CWC15: variants seen among roughly 807,000 people sequenced by gnomAD.
The protein encoded by CWC15 is CWC15 spliceosome associated protein, also known as spliceosome-associated protein CWC15 homolog.
CWC15 carries 12 observed loss-of-function variants against 28.4 expected under a neutral mutation model. The ratio of observed to expected loss-of-function variants is 0.42; its 90% CI spans 0.27 to 0.69. The LOEUF (loss-of-function observed/expected upper bound fraction) is 0.69. Among genes scored for constraint, CWC15 ranks in the 30% least tolerant of loss-of-function variants. CWC15 has a pLI of 0.23. For missense variants in CWC15, 192 were observed against 271.5 expected (o/e 0.71, Z 2.06); for synonymous variants, 92 against 88.4 (o/e 1.04, Z -0.23).
In CWC15 at chr11:94,973,510, C is replaced by A. The variant is rs1439259172; in HGVS notation, c.-21G>T. 6.6e-6 allele frequency: 1 copy of A among 152,448 alleles called. No individual in the cohort carries two copies. Among genetic ancestry groups the A allele is most frequent in the Non-Finnish European group, 1.5e-5 (1 of 68,158 alleles). The allele number at this position is 152,448 out of a possible 1,614,324, so 9.4% of individuals were successfully genotyped here. On this transcript the variant is annotated 5_prime_UTR_variant, in exon 1 of 7. Transcript: ENST00000279839. ...TCTTGCCGCTCACACTGGCCGAGGTCCGATGCAGCAGGCTCCGAAGATCAT... is the reference window on the plus strand; with the variant it reads ...TCTTGCCGCTCACACTGGCCGAGGTACGATGCAGCAGGCTCCGAAGATCAT...
Position 94,963,324 on chromosome 11 carries a change from T to C in CWC15, c.*61A>G. On this transcript the variant is annotated 3_prime_UTR_variant, in exon 7 of 7. Transcript: ENST00000279839. ...CAGGGGAAAAGAAAAAAAAAACTCATAAAAAAAGTCAGAATGATCCTTTAC... is the reference window on the plus strand; with the variant it reads ...CAGGGGAAAAGAAAAAAAAAACTCACAAAAAAAGTCAGAATGATCCTTTAC... The C allele has an allele frequency of 7.5e-7, 1 of 1,341,550 alleles. No individual in the cohort carries two copies. The highest frequency in any genetic ancestry group is 9.8e-7 in the Non-Finnish European group (1 of 1,015,608). The allele number at this position is 1,341,550 out of a possible 1,614,324, so 83.1% of individuals were successfully genotyped here. A position where few individuals can be genotyped will look rare whatever the true frequency, so the allele number is the denominator to read the frequency against.
At chr11:94,964,340 A>G (rs1213684948) in intron 6 of CWC15, among the ~76,000 whole-genome samples, 3 of 152,180 alleles carry the variant, frequency 2.0e-5, no homozygotes, top group African/African-American at 4.8e-5. Context: ...AAATGTGGGA[A>G]AGTGCACAAT....
Position 94,969,902 on chromosome 11 carries a change from A to C in CWC15, c.441+87T>G, listed in dbSNP as rs980526241. 1.4e-5 allele frequency: 9 copies of C among 657,958 alleles called. No individual in the cohort carries two copies. In the Admixed American group the frequency reaches 3.0e-4, roughly 22 times the overall value. The allele number at this position is 657,958 out of a possible 1,614,324, so 40.8% of individuals were successfully genotyped here. A position where few individuals can be genotyped will look rare whatever the true frequency, so the allele number is the denominator to read the frequency against. ...AGACACGGTAAAGGAGATTTCTAAT[A>C]TAAGAAGATATTACTTATATTCAAA... On this transcript the variant is annotated intron_variant, in intron 5 of 6. Transcript: ENST00000279839.
intron 5 of CWC15, among the ~76,000 whole-genome samples, chr11:94,967,346 TC>T (rs1555095501): frequency 6.6e-6 from 1 of 152,150 alleles, no homozygotes. Context: ...TTTTTATACC[TC>T]CCATCCTTTA....
Position 94,971,440 on chromosome 11 carries a change from C to T in CWC15, c.179G>A (p.Arg60Lys). The T allele has an allele frequency of 1.2e-6, 2 of 1,612,886 alleles. No individual in the cohort carries two copies. The highest frequency in any genetic ancestry group is 1.7e-6 in the Non-Finnish European group (2 of 1,179,390). Residue 60 changes from arginine (R) to lysine (K), a missense_variant, in exon 3 of 7, where the codon AGG (arginine) becomes AAG (lysine). Physicochemically the swap from Arg to Lys is conservative, Grantham distance 26. Around this residue, in one of 2 missense-constraint regions of CWC15, gnomAD observed 188 missense variants for 250.3 expected, o/e 0.75. Coordinates refer to ENST00000279839, the MANE Select transcript of CWC15 (RefSeq NM_016403.4). ...APEEVRNRDF[R>K]RELEERERAA... is the part of the protein sequence containing the mutation. ...TCTCTCTCTTTCTTCCAACTCTCTC[C>T]TGAAGTCACGGTTACGAACCTCTTC... is the stretch of plus-strand genomic sequence containing the variant.
At chr11:94,965,350 TTC>T (rs373779004) in intron 6 of CWC15, among the ~76,000 whole-genome samples, 29 of 152,348 alleles carry the variant, frequency 1.9e-4, no homozygotes, top group East Asian at 5.8e-4. Flanking sequence ...CTGTAAGCTT[TTC>T]TGTTTTATTT....
intron 5 of CWC15, among the ~76,000 whole-genome samples, chr11:94,968,906 A>C (rs1857681584): frequency 6.6e-6 from 1 of 152,220 alleles, no homozygotes. Context: ...ATCTATGAAA[A>C]AGCTGTGCTG....
chr11:94,971,413 GCTCT>G lies in CWC15; in HGVS notation c.202_205del (p.Arg68LeufsTer27), dbSNP rs1370675534. 3.7e-6 allele frequency: 6 copies of G among 1,612,766 alleles called. No individual in the cohort carries two copies. Among genetic ancestry groups the G allele is most frequent in the East Asian group, 2.2e-5 (1 of 44,884 alleles). On this transcript the variant is annotated frameshift_variant, in exon 3 of 7. Coordinates refer to ENST00000279839, the MANE Select transcript of CWC15 (RefSeq NM_016403.4). LOFTEE classifies it high-confidence loss of function. ...ATCCCTATTTTTCTCTCTTGCAGCA[GCTCT>G]CTCTCTTTCTTCCAACTCTCTCCTG...
intron 6 of CWC15, 25 bp downstream of exon 6, chr11:94,966,270 C>G (rs1555095249): frequency 8.7e-7 from 1 of 1,152,436 alleles, no homozygotes; most frequent in South Asian, 1.3e-5. Flanking sequence ...CACACACACT[C>G]CATTACTCCG....
chr11:94,964,812 A>T (rs1857615815), intron 6 of CWC15, among the ~76,000 whole-genome samples: 1 of 152,222 alleles, frequency 6.6e-6, no homozygotes, highest in African/African-American at 2.4e-5. Flanking sequence ...TAGAACAGGT[A>T]CTGGTAACTA....
At chr11:94,973,120 T>C (rs1857751984) in intron 1 of CWC15, among the ~76,000 whole-genome samples, 1 of 151,422 alleles carries the variant, frequency 6.6e-6, no homozygotes, top group Non-Finnish European at 1.5e-5. Flanking sequence ...GAAAACAGGG[T>C]TATCTGGCGC....
At chr11:94,966,441 T>G (rs376826866) in intron 5 of CWC15, 28 bp from the exon 6 acceptor site, 10 of 1,430,736 alleles carry the variant, frequency 7.0e-6, no homozygotes, top group Non-Finnish European at 7.6e-6. Context: ...AGATTAACAC[T>G]TACTTATTTT....
At chr11:94,964,049 A>C (rs1590956258) in intron 6 of CWC15, among the ~76,000 whole-genome samples, 1 of 152,178 alleles carries the variant, frequency 6.6e-6, no homozygotes, top group African/African-American at 2.4e-5. Context: ...TGGCCCACAT[A>C]TACATTAACC....
intron 6 of CWC15, among the ~76,000 whole-genome samples, chr11:94,965,046 A>AG (rs1297599045): frequency 1.3e-5 from 2 of 152,218 alleles, no homozygotes; most frequent in African/African-American, 4.8e-5. Flanking sequence ...ATCACTCCAG[A>AG]GGGGAAAGCG....
chr11:94,973,118 G>C (rs1241358477), intron 1 of CWC15, among the ~76,000 whole-genome samples: 3 of 151,950 alleles, frequency 2.0e-5, no homozygotes, highest in Admixed American at 2.0e-4. Context: ...AAGAAAACAG[G>C]GTTATCTGGC....
At chr11:94,973,119 G>A (rs182290613) in intron 1 of CWC15, among the ~76,000 whole-genome samples, 53 of 152,206 alleles carry the variant, frequency 3.5e-4, no homozygotes, top group African/African-American at 1.3e-3. Context: ...AGAAAACAGG[G>A]TTATCTGGCG....
In CWC15 at chr11:94,962,666, AG is replaced by A. The variant is rs1205227954; in HGVS notation, c.*718del. On this transcript the variant is annotated 3_prime_UTR_variant, in exon 7 of 7. Coordinates refer to ENST00000279839, the MANE Select transcript of CWC15 (RefSeq NM_016403.4). The stretch of plus-strand genomic sequence containing the variant: ...TTTATATATTGTTTGAAGCTTTCTC[AG>A]GCTTTGCACTAAATGCATGTCAGGT... 6.6e-6 allele frequency: 1 copy of A among 152,248 alleles called. No individual in the cohort carries two copies. The highest frequency in any genetic ancestry group is 1.5e-5 in the Non-Finnish European group (1 of 68,044). The allele number at this position is 152,248 out of a possible 1,614,324, so 9.4% of individuals were successfully genotyped here. A position where few individuals can be genotyped will look rare whatever the true frequency, so the allele number is the denominator to read the frequency against.
rs12804219 is a variant in CWC15 at position 94,962,630 on chromosome 11, A to C, written c.*755T>G. The C allele has an allele frequency of 6.6e-6, 1 of 152,186 alleles. No homozygotes were observed. The highest frequency in any genetic ancestry group is 2.4e-5 in the African/African-American group (1 of 41,444). 9.4% of individuals were successfully genotyped at this position (152,186 alleles called of 1,614,324 possible). ...CCAAGATAACAAAACTGTTATTTCC[A>C]AAGGTTTTATTTTATATATTGTTTG... On this transcript the variant is annotated 3_prime_UTR_variant, in exon 7 of 7. Transcript: ENST00000279839.
chr11:94,968,700 T>A (rs1401101575), intron 5 of CWC15, among the ~76,000 whole-genome samples: 1 of 152,222 alleles, frequency 6.6e-6, no homozygotes, highest in Admixed American at 6.5e-5. Context: ...TTGAAATGCT[T>A]TTCTTCTTCC....
Sources: gnomAD v4.1 joint callset for allele counts (sites outside exome capture counted in the v4.1 genomes callset) on GRCh38, gnomAD v4.1.1 for gene constraint, gnomAD v4.1.1 regional missense constraint, MANE v1.5 for transcripts, NCBI Gene and HGNC (gene_info 2026-07-23, HGNC 2026-07-21) for gene names.